Variants in ERC2 observed in about 807,000 individuals in gnomAD.
ERC2 encodes the protein ERC protein 2.
ERC2 carries 42 observed loss-of-function variants against 114.8 expected under a neutral mutation model. The observed-to-expected ratio is 0.37, with a 90% CI of 0.29 to 0.47. The LOEUF (loss-of-function observed/expected upper bound fraction) is 0.47, where lower values mean the gene tolerates loss of function less well. ERC2 is among the 20% of genes least tolerant of loss of function. The probability of loss-of-function intolerance (pLI) is 0.99; values close to 1 mark genes in which losing one functional copy is unlikely to be tolerated. For synonymous variants in ERC2, 454 were observed against 425.5 expected (o/e 1.07, Z -0.82); for missense variants, 939 against 1,150.7 (o/e 0.82, Z 2.66).
chr3:56,141,002 T>A (rs543689847), intron 5 of ERC2, among the ~76,000 whole-genome samples: 4 of 152,088 alleles, frequency 2.6e-5, no homozygotes, highest in Non-Finnish European at 5.9e-5. Context: ...CCAGCCTGGG[T>A]GACAGAGGGA....
chr3:55,862,466 A>C (rs1424347647), intron 14 of ERC2, among the ~76,000 whole-genome samples: 1 of 152,198 alleles, frequency 6.6e-6, no homozygotes, highest in Admixed American at 6.5e-5. Flanking sequence ...GAAATTTTGC[A>C]ACATGAAGAC....
At chr3:56,144,796 T>C (rs903250363) in intron 5 of ERC2, among the ~76,000 whole-genome samples, 4 of 152,234 alleles carry the variant, frequency 2.6e-5, no homozygotes, top group African/African-American at 9.6e-5. Context: ...AATAAATATT[T>C]ATGTAGACAA....
At chr3:56,375,836 A>G (rs2059520200) in intron 2 of ERC2, among the ~76,000 whole-genome samples, 1 of 152,194 alleles carries the variant, frequency 6.6e-6, no homozygotes, top group Admixed American at 6.5e-5. Flanking sequence ...CTGCCAGCTT[A>G]CATCCTCTCT....
At chr3:56,132,029 A>G (rs2080233726) in intron 6 of ERC2, among the ~76,000 whole-genome samples, 1 of 152,262 alleles carries the variant, frequency 6.6e-6, no homozygotes, top group Non-Finnish European at 1.5e-5. Flanking sequence ...GCTATGGCAA[A>G]TACTATTTCC....
At chr3:55,987,758 G>A (rs577796876) in intron 11 of ERC2, among the ~76,000 whole-genome samples, 7 of 152,192 alleles carry the variant, frequency 4.6e-5, no homozygotes, top group Admixed American at 2.0e-4. Flanking sequence ...GGCTCTTTTA[G>A]GCATCTAAAA....
At chr3:55,678,982 G>A (rs1379520622) in intron 17 of ERC2, among the ~76,000 whole-genome samples, 3 of 152,088 alleles carry the variant, frequency 2.0e-5, no homozygotes, top group East Asian at 3.9e-4. Flanking sequence ...ACAGATCATG[G>A]AACAGCCTCT....
chr3:55,674,739 A>G (rs1459674193), intron 17 of ERC2, among the ~76,000 whole-genome samples: 1 of 152,194 alleles, frequency 6.6e-6, no homozygotes, highest in African/African-American at 2.4e-5. Flanking sequence ...TTCTTCTTCA[A>G]ACTTCCAGGG....
intron 17 of ERC2, among the ~76,000 whole-genome samples, chr3:55,668,010 C>T (rs2061420257): frequency 6.6e-6 from 1 of 152,178 alleles, no homozygotes; most frequent in Non-Finnish European, 1.5e-5. Flanking sequence ...TGCCACCCCA[C>T]CCCCAGCCCC....
chr3:56,257,014 A>T (rs2052565312), intron 3 of ERC2, among the ~76,000 whole-genome samples: 2 of 152,182 alleles, frequency 1.3e-5, no homozygotes, highest in South Asian at 4.1e-4. Context: ...TACTTTTGTG[A>T]CCTTGAAAAG....
intron 2 of ERC2, among the ~76,000 whole-genome samples, chr3:56,358,555 T>G (rs1276690890): frequency 2.0e-5 from 3 of 152,240 alleles, no homozygotes; most frequent in Non-Finnish European, 2.9e-5. Context: ...AATGCAACTA[T>G]CACCTAACTG....
chr3:55,908,726 A>G lies in ERC2; in HGVS notation c.2404-20177T>C, dbSNP rs574524978. ...GCCCTCTTCTAGCCCCATCCATAACATTCAGGGGGGTCACCACAACTCCTA... is the reference window on the plus strand; with the variant it reads ...GCCCTCTTCTAGCCCCATCCATAACGTTCAGGGGGGTCACCACAACTCCTA... On this transcript the variant is annotated intron_variant, in intron 13 of 17. Transcript: ENST00000288221. Among the ~76,000 whole-genome samples, 14 of 152,154 alleles carry G rather than the reference A, an allele frequency of 9.2e-5. No individual in the cohort carries two copies. In the South Asian group the frequency reaches 2.7e-3, roughly 29 times the overall value.
intron 14 of ERC2, among the ~76,000 whole-genome samples, chr3:55,778,447 T>A (rs1351320906): frequency 6.6e-6 from 1 of 152,216 alleles, no homozygotes; most frequent in Non-Finnish European, 1.5e-5. Flanking sequence ...ATTTCATTTC[T>A]CAATTTTATT....
chr3:55,641,261 C>T (rs2148655204), intron 17 of ERC2, among the ~76,000 whole-genome samples: 1 of 152,164 alleles, frequency 6.6e-6, no homozygotes, highest in South Asian at 2.1e-4. Context: ...ATATAAGAGC[C>T]AATATAGGCC....
intron 3 of ERC2, among the ~76,000 whole-genome samples, chr3:56,194,370 C>T (rs757056523): frequency 3.9e-5 from 6 of 152,088 alleles, no homozygotes; most frequent in Non-Finnish European, 7.4e-5. Context: ...CGGCGAGGCC[C>T]GATCCAATGA....
chr3:56,049,429 G>T (rs1041362048), intron 7 of ERC2, among the ~76,000 whole-genome samples: 4 of 152,184 alleles, frequency 2.6e-5, no homozygotes, highest in Non-Finnish European at 5.9e-5. Context: ...TACTGTGAAG[G>T]TTAATACTGA....
intron 4 of ERC2, among the ~76,000 whole-genome samples, chr3:56,170,922 G>A (rs893587736): frequency 7.9e-5 from 12 of 151,838 alleles, no homozygotes; most frequent in East Asian, 5.8e-4. Flanking sequence ...GTGCCACCAC[G>A]CCCAGCTAAT....
intron 6 of ERC2, among the ~76,000 whole-genome samples, chr3:56,119,050 T>C (rs770657339): frequency 1.4e-4 from 21 of 152,226 alleles, no homozygotes; most frequent in Non-Finnish European, 2.6e-4. Context: ...AACTCTGCCA[T>C]TGTAATGCAA....
At chr3:56,071,794 T>G (rs1488806488) in intron 7 of ERC2, among the ~76,000 whole-genome samples, 1 of 152,234 alleles carries the variant, frequency 6.6e-6, no homozygotes, top group Non-Finnish European at 1.5e-5. Context: ...GGCTACTGAA[T>G]TTGTTGCTTC....
intron 6 of ERC2, among the ~76,000 whole-genome samples, chr3:56,085,399 G>A (rs746317570): frequency 6.6e-6 from 1 of 152,148 alleles, no homozygotes; most frequent in Non-Finnish European, 1.5e-5. Flanking sequence ...AGAGAGAGTG[G>A]ACATTCTGTG....
Sources: allele counts gnomAD v4.1 joint callset (sites outside exome capture counted in the v4.1 genomes callset), GRCh38; gene constraint gnomAD v4.1.1; transcripts MANE v1.5; gene names NCBI Gene and HGNC (gene_info 2026-07-23, HGNC 2026-07-21).